APBB1IP: variants seen among roughly 807,000 people sequenced by gnomAD.
APBB1IP encodes amyloid beta A4 precursor protein-binding family B member 1-interacting protein.
A neutral mutation model predicts 64.9 loss-of-function variants in APBB1IP; 27 were observed. The ratio of observed to expected loss-of-function variants is 0.42; its 90% CI spans 0.31 to 0.57. APBB1IP has a LOEUF of 0.57. APBB1IP is among the 20% of genes least tolerant of loss of function. The pLI is 0.20. For missense variants in APBB1IP, 812 were observed against 845.5 expected (o/e 0.96, Z 0.49); for synonymous variants, 392 against 331.0 (o/e 1.18, Z -2.00).
intron 2 of APBB1IP, among the ~76,000 whole-genome samples, chr10:26,456,198 A>T (rs925538444): frequency 6.6e-6 from 1 of 152,250 alleles, no homozygotes; most frequent in South Asian, 2.1e-4. Context: ...TGCCAGAACC[A>T]TTGAATTATA....
Position 26,480,245 on chromosome 10 carries a change from C to T in APBB1IP, c.1-12082C>T, listed in dbSNP as rs1043314079. 3.9e-5 allele frequency among the ~76,000 whole-genome samples: 6 copies of T among 152,208 alleles called. No individual in the cohort carries two copies. The South Asian group carries it at 6.2e-4, about 16-fold the overall frequency. ...GTAAAGTGGAGATAGTGCTGGTAGT[C>T]GCCTGACCCCACTCCAAGACCTAGG... On this transcript the variant is annotated intron_variant, in intron 2 of 14. Coordinates refer to ENST00000376236, the MANE Select transcript of APBB1IP (RefSeq NM_019043.4).
chr10:26,469,437 G>C (rs1835690172), intron 2 of APBB1IP, among the ~76,000 whole-genome samples: 1 of 151,574 alleles, frequency 6.6e-6, no homozygotes, highest in Non-Finnish European at 1.5e-5. Flanking sequence ...TTTTAGTAGA[G>C]ACTGGGTTTC....
chr10:26,460,257 C>T (rs1835573782), intron 2 of APBB1IP, among the ~76,000 whole-genome samples: 1 of 152,160 alleles, frequency 6.6e-6, no homozygotes, highest in Non-Finnish European at 1.5e-5. Context: ...ATGAAGGATA[C>T]ACTGTAGTTT....
intron 8 of APBB1IP, among the ~76,000 whole-genome samples, chr10:26,530,222 CTTTTTCTTT>C (rs1836531611): frequency 1.5e-5 from 1 of 65,100 alleles, no homozygotes; most frequent in Non-Finnish European, 3.1e-5. Context: ...GCTTTTTTTT[CTTTTTCTTT>C]TTTTTTTTTT....
intron 9 of APBB1IP, among the ~76,000 whole-genome samples, chr10:26,535,801 C>T (rs1200111696): frequency 2.0e-5 from 3 of 152,116 alleles, no homozygotes; most frequent in African/African-American, 7.2e-5. Context: ...TCCATTTTAA[C>T]AAGTAAGTGG....
intron 11 of APBB1IP, among the ~76,000 whole-genome samples, chr10:26,554,089 C>T (rs930508026): frequency 2.0e-5 from 3 of 152,184 alleles, no homozygotes; most frequent in Non-Finnish European, 2.9e-5. Flanking sequence ...TAGCTCCACA[C>T]GTGCAGTAAC....
chr10:26,554,488 TC>T, intron 11 of APBB1IP, among the ~76,000 whole-genome samples: 1 of 152,354 alleles, frequency 6.6e-6, no homozygotes, highest in South Asian at 2.1e-4. Context: ...GTGACTATCT[TC>T]TTTCTTTGTC....
At chr10:26,497,434 C>T (rs1447996553) in intron 4 of APBB1IP, among the ~76,000 whole-genome samples, 9 of 150,358 alleles carry the variant, frequency 6.0e-5, no homozygotes, top group African/African-American at 2.2e-4. Flanking sequence ...GCCTGTAGTC[C>T]CAGGTACCTG....
At chr10:26,496,166 A>T (rs1202766581) in intron 3 of APBB1IP, 138 bp from the exon 4 acceptor site, 1 of 518,994 alleles carries the variant, frequency 1.9e-6, no homozygotes, top group Admixed American at 3.7e-5. Flanking sequence ...AACATTTTCA[A>T]GTTACCATAT....
At chr10:26,533,824 G>A (rs1197261679) in intron 9 of APBB1IP, among the ~76,000 whole-genome samples, 2 of 151,992 alleles carry the variant, frequency 1.3e-5, no homozygotes, top group Non-Finnish European at 2.9e-5. Context: ...GAAGTCAGAC[G>A]TAAAAATTTC....
At chr10:26,510,734 T>TCTCTCTCTCACACA (rs375916170) in intron 6 of APBB1IP, among the ~76,000 whole-genome samples, 4 of 135,892 alleles carry the variant, frequency 2.9e-5, no homozygotes, top group South Asian at 2.5e-4. Flanking sequence ...AGACCCTGTC[T>TCTCTCTCTCACACA]CACACACACA....
intron 2 of APBB1IP, among the ~76,000 whole-genome samples, chr10:26,456,555 A>T (rs1056974731): frequency 3.9e-5 from 6 of 152,026 alleles, no homozygotes; most frequent in African/African-American, 1.5e-4. Flanking sequence ...GGGTTTTAAG[A>T]AGAAAACTCT....
At chr10:26,453,388 G>A (rs970579776) in intron 2 of APBB1IP, among the ~76,000 whole-genome samples, 1 of 152,194 alleles carries the variant, frequency 6.6e-6, no homozygotes, top group South Asian at 2.1e-4. Flanking sequence ...CCCATCCTAT[G>A]AGATATTTGC....
intron 2 of APBB1IP, among the ~76,000 whole-genome samples, chr10:26,454,177 A>C (rs1386863930): frequency 6.6e-6 from 1 of 152,234 alleles, no homozygotes; most frequent in Non-Finnish European, 1.5e-5. Context: ...GCAGTGGCTC[A>C]CGCCTGTAAT....
At chr10:26,502,503 A>G (rs980576221) in intron 5 of APBB1IP, among the ~76,000 whole-genome samples, 1 of 152,106 alleles carries the variant, frequency 6.6e-6, no homozygotes, top group Non-Finnish European at 1.5e-5. Flanking sequence ...TTAGCCAGGC[A>G]TGGTGGCAGG....
rs1837076276 is a variant in APBB1IP, at chr10:26,567,731, A to G, written c.*243A>G. 1.6e-5 allele frequency: 15 copies of G among 923,006 alleles called. No homozygotes were observed. The highest frequency in any genetic ancestry group is 2.1e-5 in the Non-Finnish European group (15 of 703,278). The allele number at this position is 923,006 out of a possible 1,614,324, so 57.2% of individuals were successfully genotyped here. On this transcript the variant is annotated 3_prime_UTR_variant, in exon 15 of 15. Transcript: ENST00000376236. ...ATGTATCTTCCCTTCCAAGCTGCCT[A>G]AAGCGCTGTTTTAGGTTCATTTATT...
chr10:26,554,092 GC>G (rs1836865404), intron 11 of APBB1IP, among the ~76,000 whole-genome samples: 1 of 152,152 alleles, frequency 6.6e-6, no homozygotes, highest in African/African-American at 2.4e-5. Context: ...CTCCACACGT[GC>G]AGTAACCACA....
chr10:26,534,294 CAAAAAAAA>C (rs71403804), intron 9 of APBB1IP, among the ~76,000 whole-genome samples: 19 of 58,680 alleles, frequency 3.2e-4, no homozygotes, highest in Admixed American at 2.9e-3. Flanking sequence ...GATCCAGTCT[CAAAAAAAA>C]AAAAAAAAAA....
intron 10 of APBB1IP, among the ~76,000 whole-genome samples, chr10:26,540,692 A>G (rs1407778959): frequency 6.6e-6 from 1 of 152,180 alleles, no homozygotes; most frequent in Non-Finnish European, 1.5e-5. Flanking sequence ...AGAAATATAG[A>G]AAGCGAAACA....
Sources: allele counts gnomAD v4.1 joint callset (sites outside exome capture counted in the v4.1 genomes callset), GRCh38; gene constraint gnomAD v4.1.1; transcripts MANE v1.5; gene names NCBI Gene and HGNC (gene_info 2026-07-23, HGNC 2026-07-21).